The following PGD variants were observed in gnomAD, a reference collection of about 807,000 sequenced individuals.
The protein encoded by PGD is phosphogluconate dehydrogenase.
PGD carries 21 observed loss-of-function variants against 60.4 expected under a neutral mutation model. The ratio of observed to expected loss-of-function variants is 0.35; its 90% CI spans 0.25 to 0.50. The LOEUF (loss-of-function observed/expected upper bound fraction) is 0.50. Among genes scored for constraint, PGD ranks in the 20% least tolerant of loss-of-function variants. The pLI is 0.98. For missense variants in PGD, 477 were observed against 613.1 expected, an observed-to-expected ratio of 0.78 and a Z score of 2.34; for synonymous variants, 230 against 235.9, an observed-to-expected ratio of 0.97 and a Z score of 0.23.
chr1:10,409,482 C>T (rs930217507), intron 6 of PGD, among the ~76,000 whole-genome samples: 2 of 151,974 alleles, frequency 1.3e-5, no homozygotes, highest in Non-Finnish European at 2.9e-5. Context: ...TGTAGTGGCT[C>T]GTGCTTATAA....
chr1:10,408,142 C>T lies in PGD; in HGVS notation c.519+2C>T. On this transcript the variant is annotated splice_donor_variant, in intron 6 of 12. Coordinates refer to ENST00000270776, the MANE Select transcript of PGD (RefSeq NM_002631.4). LOFTEE classifies it low-confidence loss of function (GC_TO_GT_DONOR). ...ACTGGAGAACCCTGCTGTGACTGGG[C>T]AAGTTCTGGGCTACTCTTTAAAGCC... is the stretch of plus-strand genomic sequence containing the variant. 3 of 1,567,312 alleles carry T rather than the reference C, an allele frequency of 1.9e-6. No individual in the cohort carries two copies. The highest frequency in any genetic ancestry group is 8.8e-7 in the Non-Finnish European group (1 of 1,137,182).
At position 10,399,682 on chromosome 1, in the gene PGD, A is replaced by G. The variant is rs374270785; in HGVS notation, c.62A>G (p.Asn21Ser). The change falls in exon 2 of 13, where the codon AAC (asparagine) becomes AGC (serine). Residue 21 changes from asparagine (N) to serine (S), a missense_variant. Physicochemically the swap from Asn to Ser is conservative, Grantham distance 46. Around this residue, in one of 3 missense-constraint regions of PGD, gnomAD observed 431 missense variants for 556.6 expected, o/e 0.77. Transcript: ENST00000270776. Reference sequence around the variant, plus strand: ...GTCATGGGCCAGAACTTAATTCTGAACATGAATGACCACGGCTTTGTGGTA... The same window carrying G: ...GTCATGGGCCAGAACTTAATTCTGAGCATGAATGACCACGGCTTTGTGGTA... ...LAVMGQNLILNMNDHGFVVCA... is the reference protein window; with the variant it reads ...LAVMGQNLILSMNDHGFVVCA... The G allele has an allele frequency of 1.2e-6, 2 of 1,614,106 alleles. No homozygotes were observed. The highest frequency in any genetic ancestry group is 1.7e-6 in the Non-Finnish European group (2 of 1,179,988).
intron 10 of PGD, among the ~76,000 whole-genome samples, chr1:10,418,486 A>G (rs1036942871): frequency 4.6e-5 from 7 of 152,092 alleles, no homozygotes; most frequent in African/African-American, 1.7e-4. Flanking sequence ...GTTAAGATTC[A>G]TTGCATTTGG....
At chr1:10,417,244 T>A (rs541400253) in intron 9 of PGD, 127 bp downstream of exon 9, 1 of 1,440,786 alleles carries the variant, frequency 6.9e-7, no homozygotes, top group East Asian at 2.3e-5. Context: ...TTGACTTGGA[T>A]CTTGACTTAC....
rs140036200 is a variant in PGD, at chr1:10,399,656, C to A, written c.36C>A (p.Ala12=). ...AQADIALIGL[A]VMGQNLILNM... is the part of the protein sequence containing the mutation. ...CTGACATCGCGCTGATCGGATTGGC[C>A]GTCATGGGCCAGAACTTAATTCTGA... The change falls in exon 2 of 13, where the codon GCC becomes GCA. Residue 12 remains alanine, a synonymous_variant. Transcript: ENST00000270776. The A allele has an allele frequency of 3.7e-6, 6 of 1,613,944 alleles. No individual in the cohort carries two copies. The highest frequency in any genetic ancestry group is 1.7e-5 in the Admixed American group (1 of 60,006).
rs147044180 is a variant in PGD at position 10,418,436 on chromosome 1, C to G, written c.1110-390C>G. On this transcript the variant is annotated intron_variant, in intron 10 of 12. Coordinates refer to ENST00000270776, the MANE Select transcript of PGD (RefSeq NM_002631.4). The stretch of plus-strand genomic sequence containing the variant: ...AAATGAGAAATGTAACTTTGTTTCA[C>G]TAGGGTATACATCGGCTTCCAGCTT... Among the ~76,000 whole-genome samples, 412 of 152,230 alleles carry G rather than the reference C, an allele frequency of 2.7e-3. 1 individual carries two copies. The highest frequency in any genetic ancestry group is 0.017 in the Middle Eastern group (5 of 294).
In PGD at chr1:10,413,153, AC is replaced by A. The variant is rs1639527523; in HGVS notation, c.748del (p.Leu250CysfsTer44). On this transcript the variant is annotated frameshift_variant, in exon 8 of 13. Transcript: ENST00000270776. LOFTEE classifies it high-confidence loss of function. ...ILKFQDTDGK[H>X]LLPKIRDSAG... ...AAGTTCCAAGACACCGATGGCAAAC[AC>A]CTGCTGCCAAAGATCAGGGACAGCG... The A allele has an allele frequency of 1.2e-6, 2 of 1,614,124 alleles. No individual in the cohort carries two copies. The highest frequency in any genetic ancestry group is 1.7e-6 in the Non-Finnish European group (2 of 1,179,940).
rs543426528 is a variant in PGD, at chr1:10,409,649, C to CTTTTTTTTTT, written c.519+1526_519+1535dup. On this transcript the variant is annotated intron_variant, in intron 6 of 12. Transcript: ENST00000270776. ...CTGCAATAAAAGTGAGTGGTAGCAACTTTTTTTTTTTTTTTTTTTTTTTTT... is the reference window on the plus strand; with the variant it reads ...CTGCAATAAAAGTGAGTGGTAGCAACTTTTTTTTTTTTTTTTTTTTTTTTTTTTTTTTTTT... Among the ~76,000 whole-genome samples, 95 of 75,408 alleles carry CTTTTTTTTTT rather than the reference C, an allele frequency of 1.3e-3. 13 individuals carry two copies. Among genetic ancestry groups the CTTTTTTTTTT allele is most frequent in the African/African-American group, 5.2e-3 (86 of 16,424 alleles). The allele number at this position is 75,408 out of a possible 152,430, so 49.5% of individuals were successfully genotyped here.
intron 4 of PGD, among the ~76,000 whole-genome samples, chr1:10,403,708 C>T (rs1284314745): frequency 6.6e-6 from 1 of 152,066 alleles, no homozygotes; most frequent in Non-Finnish European, 1.5e-5. Flanking sequence ...TCCTCCCCTT[C>T]CCCTTCCAAG....
rs1267657646 is a variant in PGD, at chr1:10,417,025, G to T, written c.883G>T (p.Asp295Tyr). 1 of 1,613,858 alleles carries T rather than the reference G, an allele frequency of 6.2e-7. No homozygotes were observed. The stretch of plus-strand genomic sequence containing the variant: ...TGCTCGGTGCTTATCATCTCTGAAG[G>T]ATGAGAGAATTCAAGCTAGCAAAAA... ...VFARCLSSLK[D>Y]ERIQASKKLK... Residue 295 changes from aspartate (D) to tyrosine (Y), a missense_variant, in exon 9 of 13, where the codon GAT becomes TAT. Transcript: ENST00000270776.
chr1:10,419,174 A>AT (rs36039303), intron 11 of PGD, among the ~76,000 whole-genome samples: 44,504 of 138,178 alleles, frequency 0.32, 7,096 homozygotes, highest in Middle Eastern at 0.38. Flanking sequence ...TACCTGGCTA[A>AT]TTTTTTTTTT....
intron 5 of PGD, among the ~76,000 whole-genome samples, chr1:10,404,522 C>G (rs1193740070): frequency 1.4e-5 from 2 of 144,284 alleles, no homozygotes; most frequent in Non-Finnish European, 3.0e-5. Context: ...TCTAAATAGG[C>G]TTTTTTTTTT....
At chr1:10,415,991 T>C (rs538682794) in intron 8 of PGD, among the ~76,000 whole-genome samples, 1 of 152,100 alleles carries the variant, frequency 6.6e-6, no homozygotes. Context: ...ATGTGACTTA[T>C]CAATGTAAAA....
Position 10,400,489 on chromosome 1 carries a change from A to T in PGD, c.181A>T (p.Met61Leu). The T allele has an allele frequency of 6.2e-7, 1 of 1,613,858 alleles. No homozygotes were observed. The highest frequency in any genetic ancestry group is 8.5e-7 in the Non-Finnish European group (1 of 1,179,894). ...GGTGGGTGCCCAGTCCCTGAAAGAG[A>T]TGGTCTCCAAGCTGAAGAAGCCCCG... is the stretch of plus-strand genomic sequence containing the variant. Reference protein sequence around the residue: ...KVVGAQSLKEMVSKLKKPRRI... With the variant: ...KVVGAQSLKELVSKLKKPRRI... Residue 61 changes from methionine (M) to leucine (L), a missense_variant, in exon 3 of 13, where the codon ATG becomes TTG. By Grantham distance (15) the Met-to-Leu change is conservative. This residue lies in a region of PGD where 431 missense variants were observed against 556.6 expected (regional missense o/e 0.77). Coordinates refer to ENST00000270776, the MANE Select transcript of PGD (RefSeq NM_002631.4).
intron 5 of PGD, among the ~76,000 whole-genome samples, chr1:10,404,869 G>C (rs977249845): frequency 6.6e-6 from 1 of 152,142 alleles, no homozygotes; most frequent in Non-Finnish European, 1.5e-5. Flanking sequence ...AATAAGGTCT[G>C]CCTCTTTTAG....
At position 10,419,840 on chromosome 1, in the gene PGD, C is replaced by G; in HGVS notation, c.*91C>G. ...GCCACCTGGCCCTTTGCCCTATTTTCTGTTCAGTTTTTTAAAAGTGTTGTA... is the reference window on the plus strand; with the variant it reads ...GCCACCTGGCCCTTTGCCCTATTTTGTGTTCAGTTTTTTAAAAGTGTTGTA... On this transcript the variant is annotated 3_prime_UTR_variant, in exon 13 of 13. Transcript: ENST00000270776. The G allele has an allele frequency of 1.4e-6, 2 of 1,479,532 alleles. No homozygotes were observed. The highest frequency in any genetic ancestry group is 1.9e-6 in the Non-Finnish European group (2 of 1,080,428). The allele number at this position is 1,479,532 out of a possible 1,614,324, so 91.7% of individuals were successfully genotyped here. A position where few individuals can be genotyped will look rare whatever the true frequency, so the allele number is the denominator to read the frequency against.
Position 10,403,135 on chromosome 1 carries a change from C to T in PGD, c.329C>T (p.Thr110Ile). The change falls in exon 4 of 13, where the codon ACA becomes ATA. Residue 110 changes from threonine to isoleucine, a missense_variant and splice_region_variant. Physicochemically the swap from Thr to Ile is moderately conservative, Grantham distance 89. Transcript: ENST00000270776. ...DGGNSEYRDTTRRCRDLKAKG... is the reference protein window; with the variant it reads ...DGGNSEYRDTIRRCRDLKAKG... Reference sequence around the variant, plus strand: ...GGAAATTCTGAATATAGGGACACCACAGTAAGTGTTCTTCAGTCCAGATTC... The same window carrying T: ...GGAAATTCTGAATATAGGGACACCATAGTAAGTGTTCTTCAGTCCAGATTC... 1 of 1,594,832 alleles carries T rather than the reference C, an allele frequency of 6.3e-7. No homozygotes were observed. The highest frequency in any genetic ancestry group is 8.6e-7 in the Non-Finnish European group (1 of 1,162,458).
At chr1:10,405,174 A>T (rs951472048) in intron 5 of PGD, among the ~76,000 whole-genome samples, 2 of 151,810 alleles carry the variant, frequency 1.3e-5, no homozygotes, top group African/African-American at 2.4e-5. Flanking sequence ...GGAGATCTAG[A>T]CGATCCTGGC....
Position 10,418,827 on chromosome 1 carries a change from G to C in PGD, c.1111G>C (p.Val371Leu), listed in dbSNP as rs371087028. ...MWRGGCIIRS[V>L]FLGKIKDAFD... ...TTTTTCCCCCCTTGATTATTTCAGT[G>C]TATTCCTAGGAAAGATAAAGGATGC... Residue 371 changes from valine (V) to leucine (L), a missense_variant and splice_region_variant, in exon 11 of 13, where the codon GTA becomes CTA. This residue lies in a region of PGD where 431 missense variants were observed against 556.6 expected (regional missense o/e 0.77). Transcript: ENST00000270776. 25 of 1,527,822 alleles carry C rather than the reference G, an allele frequency of 1.6e-5. No homozygotes were observed. Among genetic ancestry groups the C allele is most frequent in the Non-Finnish European group, 2.1e-5 (23 of 1,105,110 alleles). 94.6% of individuals were successfully genotyped at this position (1,527,822 alleles called of 1,614,324 possible).
Sources: gnomAD v4.1 joint callset for allele counts (sites outside exome capture counted in the v4.1 genomes callset) on GRCh38, gnomAD v4.1.1 for gene constraint, gnomAD v4.1.1 regional missense constraint, MANE v1.5 for transcripts, NCBI Gene and HGNC (gene_info 2026-07-23, HGNC 2026-07-21) for gene names.